The following FCSK variants were observed in gnomAD, a reference collection of about 807,000 sequenced individuals.
The protein encoded by FCSK is fucose kinase, also known as L-fucose kinase.
A neutral mutation model predicts 122.5 loss-of-function variants in FCSK; 123 were observed. That is an observed-to-expected ratio of 1.00 (90% confidence interval 0.87 to 1.17). The LOEUF is 1.17. Ranked by LOEUF, FCSK falls within the 50% of genes most tolerant of loss-of-function variation. The pLI is 0.00. For missense variants in FCSK, 1,366 were observed against 1,450.4 expected (o/e 0.94, Z 0.95); for synonymous variants, 620 against 625.5 (o/e 0.99, Z 0.13).
chr16:70,475,839 C>T (rs955572322), intron 20 of FCSK, 72 bp downstream of exon 20: 17 of 1,432,596 alleles, frequency 1.2e-5, no homozygotes, highest in African/African-American at 2.8e-5. Flanking sequence ...AGTGGGGCTC[C>T]CCTGGATTTG....
Position 70,479,591 on chromosome 16 carries a change from TA to T in FCSK, c.3167del (p.Tyr1056SerfsTer13). On this transcript the variant is annotated frameshift_variant, in exon 24 of 24. Transcript: ENST00000288078. LOFTEE classifies it high-confidence loss of function. ...CTGTCTTGTCCAGGGCCTTGGGAAT[TA>T]CAGCATCCACCTGGTTGAAGTGGAC... ...VLAKTEGLGNYSIHLVEVDTQ... is the reference protein window; with the variant it reads ...VLAKTEGLGNXSIHLVEVDTQ... The T allele has an allele frequency of 6.2e-7, 1 of 1,614,008 alleles. No homozygotes were observed. The highest frequency in any genetic ancestry group is 8.5e-7 in the Non-Finnish European group (1 of 1,179,906).
intron 13 of FCSK, among the ~76,000 whole-genome samples, chr16:70,472,061 G>A (rs913191033): frequency 3.9e-5 from 6 of 151,952 alleles, no homozygotes; most frequent in African/African-American, 1.4e-4. Flanking sequence ...TGCCTGCCTC[G>A]GCCTCCCAAA....
In FCSK at chr16:70,466,926, C is replaced by T. The variant is rs368046961; in HGVS notation, c.456C>T (p.Asp152=). ...CAGGCGTGTGGGTCTGCAGCACCGA[C>T]ATGCTGCTGTCTGTTCCTGCAAATC... ...SPPGVWVCST[D]MLLSVPANPG... The change falls in exon 6 of 24, where the codon GAC becomes GAT. Residue 152 remains aspartate, a synonymous_variant. Transcript: ENST00000288078. The T allele has an allele frequency of 6.2e-7, 1 of 1,613,876 alleles. No homozygotes were observed. The highest frequency in any genetic ancestry group is 8.5e-7 in the Non-Finnish European group (1 of 1,180,014).
chr16:70,454,967 C>T (rs1325518397), intron 1 of FCSK: 3 of 152,242 alleles, frequency 2.0e-5, no homozygotes, highest in Non-Finnish European at 4.4e-5. Context: ...CGGCGCTGCT[C>T]TGATTTTACT....
intron 13 of FCSK, 66 bp downstream of exon 13, chr16:70,471,418 C>T: frequency 2.1e-6 from 3 of 1,455,418 alleles, no homozygotes; most frequent in Non-Finnish European, 1.8e-6. Context: ...GGAGTCCTGG[C>T]CCCCACCCCA....
rs2048321871 is a variant in FCSK, at chr16:70,463,229, C to G, written c.39C>G (p.Ile13Met). 1 of 1,613,956 alleles carries G rather than the reference C, an allele frequency of 6.2e-7. No individual in the cohort carries two copies. Among genetic ancestry groups the G allele is most frequent in the South Asian group, 1.1e-5 (1 of 91,084 alleles). ...AGGGAGTTGATTGGACAGTCATCAT[C>G]CTGACCTGCCAGTACAAGGACAGTG... The part of the protein sequence containing the change: ...QPKGVDWTVI[I>M]LTCQYKDSVQ... Residue 13 changes from isoleucine (I) to methionine (M), a missense_variant, in exon 2 of 24, where the codon ATC becomes ATG. Ile to Met is a conservative substitution (Grantham distance 10). Transcript: ENST00000288078.
chr16:70,466,529 C>A (rs1399631283), intron 5 of FCSK: 1 of 477,100 alleles, frequency 2.1e-6, no homozygotes, highest in Non-Finnish European at 3.7e-6. Context: ...CCCATCTCTA[C>A]AAAAAAATTT....
At chr16:70,465,021 G>A in intron 3 of FCSK, 105 bp from the exon 4 acceptor site, 1 of 1,563,166 alleles carries the variant, frequency 6.4e-7, no homozygotes, top group Non-Finnish European at 8.7e-7. Flanking sequence ...TGTCCCTTGG[G>A]TACCTGAGTG....
At chr16:70,463,924 G>A (rs1445376110) in intron 3 of FCSK, 150 bp downstream of exon 3, 5 of 849,720 alleles carry the variant, frequency 5.9e-6, no homozygotes, top group African/African-American at 5.8e-5. Context: ...ACTCATCTCT[G>A]CCTTGCCGTT....
At position 70,466,198 on chromosome 16, in the gene FCSK, G is replaced by T. The variant is rs1199820250; in HGVS notation, c.352G>T (p.Ala118Ser). 11 of 1,613,780 alleles carry T rather than the reference G, an allele frequency of 6.8e-6. No homozygotes were observed. Among genetic ancestry groups the T allele is most frequent in the Non-Finnish European group, 9.3e-6 (11 of 1,179,940 alleles). The change falls in exon 5 of 24, where the codon GCC becomes TCC. Residue 118 changes from alanine (A) to serine (S), a missense_variant. Physicochemically the swap from Ala to Ser is moderately conservative, Grantham distance 99. Coordinates refer to ENST00000288078, the MANE Select transcript of FCSK (RefSeq NM_145059.3). ...FTCLPVENPEAPVEALVCNLD... is the reference protein window; with the variant it reads ...FTCLPVENPESPVEALVCNLD... ...CTGCCTCCCCGTGGAGAACCCCGAG[G>T]CCCCCGTGGAAGCCTTGGTCTGCAA...
chr16:70,458,317 G>C (rs952143959), intron 1 of FCSK, among the ~76,000 whole-genome samples: 1 of 151,774 alleles, frequency 6.6e-6, no homozygotes, highest in East Asian at 1.9e-4. Context: ...CCGCCACCAT[G>C]CCTGGCTAAT....
Position 70,466,250 on chromosome 16 carries a change from C to A in FCSK, c.404C>A (p.Thr135Asn), listed in dbSNP as rs1402424797. Residue 135 changes from threonine to asparagine, a missense_variant, in exon 5 of 24, where the codon ACC becomes AAC. By Grantham distance (65) the Thr-to-Asn change is moderately conservative. Transcript: ENST00000288078. ...CTGGACTGCCTGCTGGACATCATGACCTATCGGGTGAGGCTGGGTGGTGGC... is the reference window on the plus strand; with the variant it reads ...CTGGACTGCCTGCTGGACATCATGAACTATCGGGTGAGGCTGGGTGGTGGC... ...CNLDCLLDIM[T>N]YRLGPGSPPG... 6.2e-7 allele frequency: 1 copy of A among 1,613,980 alleles called. No individual in the cohort carries two copies. Among genetic ancestry groups the A allele is most frequent in the South Asian group, 1.1e-5 (1 of 91,070 alleles).
At position 70,474,468 on chromosome 16, in the gene FCSK, CA is replaced by C. The variant is rs1454450004; in HGVS notation, c.1989-59del. ...CCCGGGACAGTCAGGTCCCCAAAGC[CA>C]GGCAATCTGCCCCCAGCTTGGGGCT... On this transcript the variant is annotated intron_variant, in intron 16 of 23. Transcript: ENST00000288078. The C allele has an allele frequency of 2.6e-6, 4 of 1,546,348 alleles. No homozygotes were observed. The East Asian group carries it at 9.8e-5, about 38-fold the overall frequency.
At chr16:70,460,453 G>A (rs1201375479) in intron 1 of FCSK, among the ~76,000 whole-genome samples, 1 of 151,292 alleles carries the variant, frequency 6.6e-6, no homozygotes, top group African/African-American at 2.4e-5. Context: ...CGCCCAGGCT[G>A]GAGTGCAGTG....
At chr16:70,474,396 GA>G (rs2048729266) in intron 16 of FCSK, 57 bp downstream of exon 16, 4 of 1,578,160 alleles carry the variant, frequency 2.5e-6, no homozygotes, top group Non-Finnish European at 3.4e-6. Context: ...CTGGGAAGTG[GA>G]CCCTGATGGA....
intron 13 of FCSK, 115 bp from the exon 14 acceptor site, chr16:70,472,426 T>C: frequency 1.3e-6 from 1 of 759,812 alleles, no homozygotes; most frequent in Non-Finnish European, 2.1e-6. Context: ...GTATGTTCTT[T>C]GTCTGTCTTC....
rs1221669281 is a variant in FCSK, at chr16:70,474,957, A to G, written c.2323A>G (p.Ile775Val). 1.9e-6 allele frequency: 3 copies of G among 1,611,572 alleles called. No individual in the cohort carries two copies. Among genetic ancestry groups the G allele is most frequent in the Non-Finnish European group, 2.5e-6 (3 of 1,179,300 alleles). Residue 775 changes from isoleucine to valine, a missense_variant, in exon 18 of 24, where the codon ATA (isoleucine) becomes GTA (valine). Physicochemically the swap from Ile to Val is conservative, Grantham distance 29. Coordinates refer to ENST00000288078, the MANE Select transcript of FCSK (RefSeq NM_145059.3). Reference protein sequence around the residue: ...GPRQDEMTVKIVCRCLADLRD... With the variant: ...GPRQDEMTVKVVCRCLADLRD... ...TCGGCAGGATGAGATGACTGTGAAG[A>G]TAGTGTGCCGGTGCCTGGCTGACCT...
chr16:70,465,088 C>A (rs1181589286), intron 3 of FCSK, 38 bp from the exon 4 acceptor site: 4 of 1,611,964 alleles, frequency 2.5e-6, no homozygotes, highest in African/African-American at 2.7e-5. Context: ...GGGCGTCTGC[C>A]TGAGGCCTCT....
intron 3 of FCSK, among the ~76,000 whole-genome samples, chr16:70,464,689 G>C (rs958486910): frequency 1.5e-5 from 2 of 137,556 alleles, no homozygotes; most frequent in African/African-American, 5.8e-5. Flanking sequence ...AACAGAGCGA[G>C]ACTGCATCTC....
Sources: allele counts gnomAD v4.1 joint callset (sites outside exome capture counted in the v4.1 genomes callset), GRCh38; gene constraint gnomAD v4.1.1; transcripts MANE v1.5; gene names NCBI Gene and HGNC (gene_info 2026-07-23, HGNC 2026-07-21).